Variants in BMPR1A observed in about 807,000 individuals in gnomAD.
BMPR1A encodes the protein bone morphogenetic protein receptor type 1A, also known as bone morphogenetic protein receptor type-1A.
In BMPR1A, 7 loss-of-function variants were observed where a neutral mutation model predicts 66.0. The ratio of observed to expected loss-of-function variants is 0.11; its 90% CI spans 0.06 to 0.20. The LOEUF is 0.20. Ranked by LOEUF, BMPR1A falls within the 10% of genes least tolerant of loss-of-function variation. The probability of loss-of-function intolerance (pLI) is 1.00; values close to 1 mark genes in which losing one functional copy is unlikely to be tolerated. For missense variants in BMPR1A, 408 were observed against 669.1 expected, an observed-to-expected ratio of 0.61 and a Z score of 4.31; for synonymous variants, 200 against 229.7, an observed-to-expected ratio of 0.87 and a Z score of 1.17.
At chr10:86,778,888 C>T (rs183244435) in intron 1 of BMPR1A, among the ~76,000 whole-genome samples, 177 of 150,696 alleles carry the variant, frequency 1.2e-3, no homozygotes, top group Non-Finnish European at 1.6e-3. Flanking sequence ...CAGTTCCATC[C>T]ATATTGCTGT....
chr10:86,884,718 C>A (rs1843047051), intron 3 of BMPR1A, among the ~76,000 whole-genome samples: 1 of 152,002 alleles, frequency 6.6e-6, no homozygotes, highest in Admixed American at 6.6e-5. Context: ...CCTGGCCAAG[C>A]ATATGATTTT....
chr10:86,882,406 G>C lies in BMPR1A; in HGVS notation c.67+6321G>C, dbSNP rs184564651. ...CCACTGAACTCCAGCCTGGGCAACA[G>C]AGTGAGACCCTGTCTCAAAAAAATA... On this transcript the variant is annotated intron_variant, in intron 3 of 12. Transcript: ENST00000372037. Among the ~76,000 whole-genome samples, 516 of 152,136 alleles carry C rather than the reference G, an allele frequency of 3.4e-3. 2 individuals carry two copies. Among genetic ancestry groups the C allele is most frequent in the African/African-American group, 0.012 (486 of 41,500 alleles).
intron 1 of BMPR1A, among the ~76,000 whole-genome samples, chr10:86,815,111 A>G (rs1358928455): frequency 2.0e-5 from 3 of 152,194 alleles, no homozygotes; most frequent in Admixed American, 6.5e-5. Context: ...AATAACTTCT[A>G]TGAGATTTGG....
intron 1 of BMPR1A, among the ~76,000 whole-genome samples, chr10:86,835,818 A>G (rs964335019): frequency 2.0e-5 from 3 of 152,160 alleles, no homozygotes; most frequent in African/African-American, 4.8e-5. Flanking sequence ...AGATGGATGC[A>G]TACATTCTGA....
chr10:86,885,643 C>A (rs1728388866), intron 3 of BMPR1A, among the ~76,000 whole-genome samples: 1 of 152,230 alleles, frequency 6.6e-6, no homozygotes, highest in African/African-American at 2.4e-5. Flanking sequence ...GACTTTCCTT[C>A]TGCTGATGTC....
At chr10:86,880,736 C>T (rs1340272007) in intron 3 of BMPR1A, among the ~76,000 whole-genome samples, 1 of 152,202 alleles carries the variant, frequency 6.6e-6, no homozygotes, top group Non-Finnish European at 1.5e-5. Flanking sequence ...TTGGAGAAAT[C>T]ACTGAGTTCA....
chr10:86,852,109 C>G (rs965620216), intron 2 of BMPR1A, among the ~76,000 whole-genome samples: 4 of 148,962 alleles, frequency 2.7e-5, no homozygotes, highest in Non-Finnish European at 5.9e-5. Flanking sequence ...TGAAATACCC[C>G]TCACAACTGT....
At chr10:86,865,253 A>G (rs1842768996) in intron 2 of BMPR1A, among the ~76,000 whole-genome samples, 1 of 152,166 alleles carries the variant, frequency 6.6e-6, no homozygotes, top group Admixed American at 6.5e-5. Context: ...AGAAGTGAAA[A>G]TGGCCAGTCC....
chr10:86,757,875 AG>A (rs1006835549), intron 1 of BMPR1A, among the ~76,000 whole-genome samples: 5 of 152,200 alleles, frequency 3.3e-5, no homozygotes, highest in Non-Finnish European at 5.9e-5. Context: ...CGAATTAGGA[AG>A]AAAAAAAACC....
At chr10:86,761,289 C>G (rs1841052478) in intron 1 of BMPR1A, among the ~76,000 whole-genome samples, 1 of 152,076 alleles carries the variant, frequency 6.6e-6, no homozygotes, top group African/African-American at 2.4e-5. Flanking sequence ...CTTTGTTACT[C>G]TTTTATAGTT....
chr10:86,855,794 G>A (rs1842632361), intron 2 of BMPR1A: 1 of 1,138,336 alleles, frequency 8.8e-7, no homozygotes, highest in Non-Finnish European at 1.3e-6. Context: ...TGTTGAATTT[G>A]GTCTGTTTCC....
chr10:86,797,694 G>A (rs142852858), intron 1 of BMPR1A, among the ~76,000 whole-genome samples: 1,818 of 152,218 alleles, frequency 0.012, 33 homozygotes, highest in Non-Finnish European at 0.014. Context: ...TCTTCAAATT[G>A]TATAGCATTT....
chr10:86,848,173 G>A lies in BMPR1A; in HGVS notation c.-153+9194G>A, dbSNP rs192253762. ...GTCTTGAACTCCCGACCTCAAGGCC[G>A]AACTGCCTTGGCCTCCCAAAGTGCT... On this transcript the variant is annotated intron_variant, in intron 2 of 12. Transcript: ENST00000372037. 1.2e-4 allele frequency among the ~76,000 whole-genome samples: 18 copies of A among 152,076 alleles called. No homozygotes were observed. In the East Asian group the frequency reaches 2.3e-3, roughly 20 times the overall value.
chr10:86,829,359 G>A (rs914884934), intron 1 of BMPR1A, among the ~76,000 whole-genome samples: 4 of 152,060 alleles, frequency 2.6e-5, no homozygotes, highest in Non-Finnish European at 4.4e-5. Flanking sequence ...AAATAACTAG[G>A]TTTACAGGAA....
At chr10:86,812,810 T>A (rs1339804745) in intron 1 of BMPR1A, among the ~76,000 whole-genome samples, 1 of 152,214 alleles carries the variant, frequency 6.6e-6, no homozygotes, top group East Asian at 1.9e-4. Context: ...CATGTCCTTA[T>A]TACGCAAAGT....
intron 1 of BMPR1A, among the ~76,000 whole-genome samples, chr10:86,771,938 T>C (rs902442157): frequency 1.3e-5 from 2 of 151,774 alleles, no homozygotes; most frequent in Non-Finnish European, 2.9e-5. Flanking sequence ...CTCCAATTTA[T>C]ACTTTTTTAC....
At chr10:86,830,606 G>C (rs946593643) in intron 1 of BMPR1A, among the ~76,000 whole-genome samples, 8 of 152,074 alleles carry the variant, frequency 5.3e-5, no homozygotes, top group African/African-American at 1.9e-4. Flanking sequence ...TTTCATGCGC[G>C]TATTTGCCGT....
rs1847876102 is a variant in BMPR1A at position 86,756,805 on chromosome 10, CGGGGCCGCT to C, written c.-380_-372del. 6.6e-6 allele frequency: 1 copy of C among 151,300 alleles called. No homozygotes were observed. Among genetic ancestry groups the C allele is most frequent in the Non-Finnish European group, 1.5e-5 (1 of 67,786 alleles). 9.4% of individuals were successfully genotyped at this position (151,300 alleles called of 1,614,324 possible). On this transcript the variant is annotated 5_prime_UTR_variant, in exon 1 of 13. Transcript: ENST00000372037. ...CGGCCCGATCGAGGGGCGACCGGGT[CGGGGCCGCT>C]GCACGCCAAGGGCGAAGGCCGATTC... is the stretch of plus-strand genomic sequence containing the variant.
chr10:86,810,747 G>A (rs1841957808), intron 1 of BMPR1A, among the ~76,000 whole-genome samples: 1 of 151,920 alleles, frequency 6.6e-6, no homozygotes, highest in Admixed American at 6.6e-5. Flanking sequence ...TTTTTAACTG[G>A]GTTATTTCTC....
Sources: gnomAD v4.1 joint callset for allele counts (sites outside exome capture counted in the v4.1 genomes callset) on GRCh38, gnomAD v4.1.1 for gene constraint, MANE v1.5 for transcripts, NCBI Gene and HGNC (gene_info 2026-07-23, HGNC 2026-07-21) for gene names.